Variants in MED27 observed in about 807,000 individuals in gnomAD.
MED27 encodes mediator complex subunit 27.
Under a neutral mutation model 38.2 loss-of-function variants are expected in MED27, and 30 were observed. The observed-to-expected ratio is 0.79, with a 90% CI of 0.59 to 1.07. MED27 has a LOEUF of 1.07. Among genes scored for constraint, MED27 ranks in the 50% least tolerant of loss-of-function variants. The probability of loss-of-function intolerance (pLI) is 0.00; values close to 1 mark genes in which losing one functional copy is unlikely to be tolerated. For missense variants in MED27, 289 were observed against 397.5 expected (o/e 0.73, Z 2.32); for synonymous variants, 122 against 153.5 (o/e 0.79, Z 1.52).
At chr9:132,042,044 C>A (rs144126031) in intron 2 of MED27, among the ~76,000 whole-genome samples, 3 of 152,142 alleles carry the variant, frequency 2.0e-5, no homozygotes, top group Non-Finnish European at 4.4e-5. Context: ...TGACAAAGTA[C>A]GTGATCTAGA....
intron 6 of MED27, among the ~76,000 whole-genome samples, chr9:131,878,161 C>T (rs1051704151): frequency 2.0e-5 from 3 of 151,820 alleles, no homozygotes; most frequent in Non-Finnish European, 4.4e-5. Flanking sequence ...GTAATCCCAA[C>T]TACTTAGGGG....
At chr9:131,927,207 C>A (rs972607497) in intron 4 of MED27, among the ~76,000 whole-genome samples, 3 of 152,150 alleles carry the variant, frequency 2.0e-5, no homozygotes, top group Non-Finnish European at 4.4e-5. Flanking sequence ...ACCAAAACAG[C>A]CCCGAAACAG....
intron 3 of MED27, among the ~76,000 whole-genome samples, chr9:131,958,541 C>T (rs116005141): frequency 0.02 from 3,083 of 152,280 alleles, 36 homozygotes; most frequent in Middle Eastern, 0.034. Flanking sequence ...CCACTGCACC[C>T]GGCCAAATTA....
chr9:131,920,141 A>G (rs1830362686), intron 4 of MED27, among the ~76,000 whole-genome samples: 1 of 152,172 alleles, frequency 6.6e-6, no homozygotes, highest in Admixed American at 6.5e-5. Context: ...AAGTGATCAA[A>G]CAATACTTCG....
At chr9:131,898,141 T>C (rs1391814395) in intron 4 of MED27, among the ~76,000 whole-genome samples, 1 of 150,214 alleles carries the variant, frequency 6.7e-6, no homozygotes, top group Non-Finnish European at 1.5e-5. Context: ...TCCAGGGCTA[T>C]AGTAGTTTAT....
chr9:131,865,995 G>A (rs749628352), intron 6 of MED27, among the ~76,000 whole-genome samples: 33 of 152,282 alleles, frequency 2.2e-4, no homozygotes, highest in East Asian at 1.2e-3. Context: ...GCGGTGACAC[G>A]TGCAGTTTGC....
At chr9:131,968,932 C>T (rs974626960) in intron 3 of MED27, among the ~76,000 whole-genome samples, 4 of 152,106 alleles carry the variant, frequency 2.6e-5, no homozygotes, top group East Asian at 1.9e-4. Context: ...ACTGCGCATG[C>T]GAGGGATCTA....
chr9:131,923,536 A>G (rs1830433501), intron 4 of MED27, among the ~76,000 whole-genome samples: 1 of 152,224 alleles, frequency 6.6e-6, no homozygotes, highest in Non-Finnish European at 1.5e-5. Flanking sequence ...GCATGGTCAC[A>G]TTATTCAATT....
Position 131,882,012 on chromosome 9 carries a change from C to T in MED27, c.723+2046G>A, listed in dbSNP as rs151239373. Among the ~76,000 whole-genome samples, 626 of 152,060 alleles carry T rather than the reference C, an allele frequency of 4.1e-3. 3 individuals carry two copies. Among genetic ancestry groups the T allele is most frequent in the African/African-American group, 0.014 (596 of 41,506 alleles). ...CTTGTAATCCACCCACCTGAGCCTC[C>T]CAAAGTGCTGGGATTACAGGCATGA... On this transcript the variant is annotated intron_variant, in intron 6 of 7. Coordinates refer to ENST00000292035, the MANE Select transcript of MED27 (RefSeq NM_004269.4).
At chr9:132,026,463 G>C (rs186932160) in intron 2 of MED27, among the ~76,000 whole-genome samples, 1 of 152,186 alleles carries the variant, frequency 6.6e-6, no homozygotes, top group African/African-American at 2.4e-5. Flanking sequence ...ACAGTGTGGG[G>C]GTTTTTGTGT....
At chr9:131,930,047 G>A (rs1260195934) in intron 4 of MED27, among the ~76,000 whole-genome samples, 3 of 148,508 alleles carry the variant, frequency 2.0e-5, no homozygotes, top group African/African-American at 7.9e-5. Context: ...AGAGAGAGAG[G>A]CTCCCTTTGT....
intron 4 of MED27, among the ~76,000 whole-genome samples, chr9:131,902,801 A>G (rs941623500): frequency 2.6e-5 from 4 of 152,344 alleles, no homozygotes; most frequent in African/African-American, 9.6e-5. Flanking sequence ...AGGTCCCAGG[A>G]AAAATGAGGC....
chr9:132,055,848 T>C (rs1437796677), intron 2 of MED27, among the ~76,000 whole-genome samples: 2 of 152,200 alleles, frequency 1.3e-5, no homozygotes, highest in Non-Finnish European at 2.9e-5. Flanking sequence ...ATTTATTGAG[T>C]CCTTATGATG....
In MED27 at chr9:132,036,313, C is replaced by T. The variant is rs1245959081; in HGVS notation, c.349-21846G>A. The stretch of plus-strand genomic sequence containing the variant: ...TTAACTCCTGGGCTCAAGCTATCCT[C>T]CCGCCTCAGCCTCCTGAGTAGCTGG... On this transcript the variant is annotated intron_variant, in intron 2 of 7. Transcript: ENST00000292035. Among the ~76,000 whole-genome samples the T allele has an allele frequency of 7.9e-5, 12 of 152,108 alleles. No individual in the cohort carries two copies. The South Asian group carries it at 2.1e-3, about 26-fold the overall frequency.
At chr9:132,014,016 G>C (rs1285328053) in intron 3 of MED27, among the ~76,000 whole-genome samples, 1 of 151,922 alleles carries the variant, frequency 6.6e-6, no homozygotes, top group African/African-American at 2.4e-5. Context: ...AACCAGCCTA[G>C]CCAACACAGT....
chr9:132,048,463 A>ACAC (rs1211966815), intron 2 of MED27, among the ~76,000 whole-genome samples: 2 of 152,200 alleles, frequency 1.3e-5, no homozygotes, highest in African/African-American at 4.8e-5. Context: ...ATTTGCAAGA[A>ACAC]CACCATTCCA....
At chr9:132,030,052 G>C (rs1305714929) in intron 2 of MED27, among the ~76,000 whole-genome samples, 1 of 152,224 alleles carries the variant, frequency 6.6e-6, no homozygotes, top group Non-Finnish European at 1.5e-5. Flanking sequence ...ACAAACTGGT[G>C]ACTTATGTCC....
chr9:131,939,648 T>C (rs2130967806), intron 3 of MED27, among the ~76,000 whole-genome samples, 174 bp from the exon 4 acceptor site: 1 of 152,348 alleles, frequency 6.6e-6, no homozygotes, highest in South Asian at 2.1e-4. Flanking sequence ...GTCCAGATAA[T>C]GTGTTTTTAA....
chr9:132,046,856 T>G (rs537378847), intron 2 of MED27, among the ~76,000 whole-genome samples: 1 of 152,286 alleles, frequency 6.6e-6, no homozygotes, highest in South Asian at 2.1e-4. Flanking sequence ...CAAATACAAC[T>G]GTGAAAGTAC....
Sources: gnomAD v4.1 joint callset for allele counts (sites outside exome capture counted in the v4.1 genomes callset) on GRCh38, gnomAD v4.1.1 for gene constraint, MANE v1.5 for transcripts, NCBI Gene and HGNC (gene_info 2026-07-23, HGNC 2026-07-21) for gene names.